WDR88: variants seen among roughly 807,000 people sequenced by gnomAD.
WDR88 encodes the protein WD repeat-containing protein 88.
WDR88 carries 40 observed loss-of-function variants against 46.8 expected under a neutral mutation model. The ratio of observed to expected loss-of-function variants is 0.86; its 90% CI spans 0.66 to 1.11. The LOEUF (loss-of-function observed/expected upper bound fraction) is 1.11. Ranked by LOEUF, WDR88 falls within the 50% of genes most tolerant of loss-of-function variation. The probability of loss-of-function intolerance (pLI) is 0.00; values close to 1 mark genes in which losing one functional copy is unlikely to be tolerated. For missense variants in WDR88, 562 were observed against 602.4 expected (o/e 0.93, Z 0.70); for synonymous variants, 235 against 240.7 (o/e 0.98, Z 0.22).
intron 7 of WDR88, among the ~76,000 whole-genome samples, chr19:33,158,802 C>T (rs143845461): frequency 0.015 from 2,323 of 152,278 alleles, 61 homozygotes; most frequent in African/African-American, 0.05. Context: ...TGGGTTCAAG[C>T]GATTCTCCTG....
chr19:33,137,018 C>A (rs954700489), intron 1 of WDR88, among the ~76,000 whole-genome samples: 1 of 151,862 alleles, frequency 6.6e-6, no homozygotes, highest in African/African-American at 2.4e-5. Flanking sequence ...GTAACGTTAA[C>A]CTTCTGGGCT....
Position 33,165,810 on chromosome 19 carries a change from T to C in WDR88, c.1149+1545T>C, listed in dbSNP as rs139531361. Among the ~76,000 whole-genome samples, 1,113 of 151,678 alleles carry C rather than the reference T, an allele frequency of 7.3e-3. 9 individuals carry two copies. Among genetic ancestry groups the C allele is most frequent in the African/African-American group, 0.021 (884 of 41,290 alleles). On this transcript the variant is annotated intron_variant, in intron 9 of 10. Transcript: ENST00000355868. ...CGGGAGGCTGAGGCAGGAGAATTGC[T>C]TGAACCCGGGAGGCAGAGGTTGCAG...
At chr19:33,174,792 A>G in intron 10 of WDR88, 2 of 985,428 alleles carry the variant, frequency 2.0e-6, no homozygotes, top group Non-Finnish European at 1.2e-6. Context: ...CTTGCCACGC[A>G]TGTCCTCAGG....
In WDR88 at chr19:33,141,234, T is replaced by TTTTTTTTG. The variant is rs1218937178; in HGVS notation, c.387+3453_387+3454insTGTTTTTT. ...TTACAGGTGTGGGAGCATGTTTTTT[T>TTTTTTTTG]TTTTTTCTTTTTTGACACAGGATCT... is the stretch of plus-strand genomic sequence containing the variant. On this transcript the variant is annotated intron_variant, in intron 2 of 10. Transcript: ENST00000355868. Among the ~76,000 whole-genome samples the TTTTTTTTG allele has an allele frequency of 2.8e-5, 3 of 108,162 alleles. 1 individual carries two copies. The highest frequency in any genetic ancestry group is 9.5e-5 in the Admixed American group (1 of 10,554). The allele number at this position is 108,162 out of a possible 152,430, so 71.0% of individuals were successfully genotyped here.
intron 3 of WDR88, among the ~76,000 whole-genome samples, chr19:33,145,523 T>C (rs1420246106): frequency 6.7e-6 from 1 of 150,154 alleles, no homozygotes; most frequent in East Asian, 2.0e-4. Flanking sequence ...GTAAGTTTCA[T>C]GGGAATTTAT....
At chr19:33,159,630 C>T (rs770096868) in intron 7 of WDR88, among the ~76,000 whole-genome samples, 7 of 151,966 alleles carry the variant, frequency 4.6e-5, no homozygotes, top group Non-Finnish European at 1.0e-4. Flanking sequence ...GGAAACTGAC[C>T]CTGTATTTCC....
chr19:33,164,100 G>T, intron 8 of WDR88, 97 bp from the exon 9 acceptor site: 2 of 1,151,934 alleles, frequency 1.7e-6, no homozygotes, highest in Non-Finnish European at 2.6e-6. Flanking sequence ...TTCCCAAAAG[G>T]CAGGTTACAG....
At chr19:33,134,838 A>T (rs1346438471) in intron 1 of WDR88, among the ~76,000 whole-genome samples, 1 of 62,342 alleles carries the variant, frequency 1.6e-5, no homozygotes, top group African/African-American at 6.4e-5. Flanking sequence ...CACGTCCCCG[A>T]CACCCCCCCC....
intron 10 of WDR88, chr19:33,174,112 A>G (rs1974085587): frequency 6.6e-7 from 1 of 1,514,106 alleles, no homozygotes; most frequent in Admixed American, 2.0e-5. Flanking sequence ...TCAGCCTCCC[A>G]AAGTGCTGGG....
chr19:33,170,639 T>C (rs556350087), intron 9 of WDR88, among the ~76,000 whole-genome samples: 2 of 152,182 alleles, frequency 1.3e-5, no homozygotes, highest in African/African-American at 2.4e-5. Context: ...GATGGGCACA[T>C]TGCCTGAGCT....
At chr19:33,165,262 C>T (rs974422620) in intron 9 of WDR88, among the ~76,000 whole-genome samples, 2 of 151,978 alleles carry the variant, frequency 1.3e-5, no homozygotes, top group African/African-American at 4.8e-5. Context: ...ATGTCATGTT[C>T]TAGGCTAGAG....
intron 8 of WDR88, among the ~76,000 whole-genome samples, chr19:33,163,072 G>A (rs1433919136): frequency 2.0e-5 from 3 of 152,042 alleles, no homozygotes; most frequent in Non-Finnish European, 4.4e-5. Context: ...GGTGGCTCAC[G>A]CCTGTAATCC....
intron 7 of WDR88, among the ~76,000 whole-genome samples, chr19:33,157,744 A>G (rs1973789845): frequency 7.8e-6 from 1 of 128,398 alleles, no homozygotes; most frequent in African/African-American, 3.0e-5. Flanking sequence ...TATAAAATTA[A>G]AGAGGTAAAG....
intron 8 of WDR88, among the ~76,000 whole-genome samples, chr19:33,162,230 T>C (rs921320785): frequency 3.9e-5 from 6 of 152,030 alleles, no homozygotes; most frequent in Non-Finnish European, 1.5e-5. Context: ...GACGGGAGTC[T>C]CGCTCTGTCG....
intron 1 of WDR88, among the ~76,000 whole-genome samples, chr19:33,135,052 T>TGGGGGG (rs968213590): frequency 5.0e-5 from 1 of 20,072 alleles, no homozygotes; most frequent in African/African-American, 1.1e-4. Context: ...CTGGGGTGGG[T>TGGGGGG]GGGTGGGGGG....
Position 33,151,371 on chromosome 19 carries a change from C to T in WDR88, c.809+61C>T, listed in dbSNP as rs1973631783. On this transcript the variant is annotated intron_variant, in intron 6 of 10. Transcript: ENST00000355868. ...GGTGGGGCGTCCCCATTCATGACTT[C>T]CTGAATTCCACATAAGCCAGCATCC... The T allele has an allele frequency of 1.5e-5, 23 of 1,564,550 alleles. No homozygotes were observed. In the South Asian group the frequency reaches 2.3e-4, roughly 16 times the overall value.
intron 2 of WDR88, among the ~76,000 whole-genome samples, chr19:33,138,548 C>T (rs942220499): frequency 2.7e-5 from 4 of 150,800 alleles, no homozygotes; most frequent in Non-Finnish European, 5.9e-5. Context: ...AGTTTCACCA[C>T]GTTAGCCAGG....
At chr19:33,153,689 T>C (rs1372752987) in intron 6 of WDR88, among the ~76,000 whole-genome samples, 1 of 151,974 alleles carries the variant, frequency 6.6e-6, no homozygotes, top group East Asian at 1.9e-4. Flanking sequence ...GAGACAGGGT[T>C]TCACCACATT....
At chr19:33,170,755 G>T (rs944329777) in intron 9 of WDR88, among the ~76,000 whole-genome samples, 1 of 152,130 alleles carries the variant, frequency 6.6e-6, no homozygotes, top group South Asian at 2.1e-4. Flanking sequence ...CCAGCTATTC[G>T]GGGGGCCAAG....
Sources: gnomAD v4.1 joint callset for allele counts (sites outside exome capture counted in the v4.1 genomes callset) on GRCh38, gnomAD v4.1.1 for gene constraint, MANE v1.5 for transcripts, NCBI Gene and HGNC (gene_info 2026-07-23, HGNC 2026-07-21) for gene names.